The following FCRL2 variants were observed in gnomAD, a reference collection of about 807,000 sequenced individuals.
The protein encoded by FCRL2 is Fc receptor-like protein 2.
A neutral mutation model predicts 59.8 loss-of-function variants in FCRL2; 48 were observed. The observed-to-expected ratio is 0.80, with a 90% CI of 0.64 to 1.02. FCRL2 has a LOEUF of 1.02. FCRL2 is among the 50% of genes least tolerant of loss of function. The pLI is 0.00. For missense variants in FCRL2, 658 were observed against 597.3 expected, an observed-to-expected ratio of 1.10 and a Z score of -1.06; for synonymous variants, 251 against 229.5, an observed-to-expected ratio of 1.09 and a Z score of -0.85.
intron 2 of FCRL2, among the ~76,000 whole-genome samples, chr1:157,773,567 T>C (rs1650186545): frequency 6.6e-6 from 1 of 152,190 alleles, no homozygotes; most frequent in African/African-American, 2.4e-5. Context: ...TAGTTTCATA[T>C]CAGGGAACCC....
At position 157,746,622 on chromosome 1, in the gene FCRL2, G is replaced by A. The variant is rs923084044; in HGVS notation, c.*114C>T. ...AAAATGACAGGAGGTGCCTCCTGAG[G>A]CACGTTCTGGCTGTGGCAGGTGATA... On this transcript the variant is annotated 3_prime_UTR_variant, in exon 12 of 12. Transcript: ENST00000361516. 2.7e-5 allele frequency: 27 copies of A among 1,008,210 alleles called. No homozygotes were observed. The highest frequency in any genetic ancestry group is 4.0e-5 in the Non-Finnish European group (26 of 657,760). 62.5% of individuals were successfully genotyped at this position (1,008,210 alleles called of 1,614,324 possible).
In FCRL2 at chr1:157,768,541, G is replaced by A; in HGVS notation, c.756C>T (p.Thr252=). Residue 252 remains threonine, a synonymous_variant, in exon 5 of 12, where the codon ACC becomes ACT. Coordinates refer to ENST00000361516, the MANE Select transcript of FCRL2 (RefSeq NM_030764.4). ...CCAGCTCTGCTGACAGGGAACGCTGGGTTTTCTTTCCCATACTGGTTCCTG... is the reference window on the plus strand; with the variant it reads ...CCAGCTCTGCTGACAGGGAACGCTGAGTTTTCTTTCCCATACTGGTTCCTG... ...EATGTSMGKK[T]QRSLSAELEI... is the part of the protein sequence containing the mutation. The A allele has an allele frequency of 6.2e-7, 1 of 1,614,180 alleles. No homozygotes were observed. The highest frequency in any genetic ancestry group is 8.5e-7 in the Non-Finnish European group (1 of 1,180,044).
intron 6 of FCRL2, 43 bp downstream of exon 6, chr1:157,767,188 A>G: frequency 6.4e-7 from 1 of 1,574,502 alleles, no homozygotes; most frequent in Non-Finnish European, 8.6e-7. Context: ...GGTGAGACAC[A>G]GCCATTGACA....
chr1:157,771,363 CTG>C (rs1327056394), intron 2 of FCRL2, among the ~76,000 whole-genome samples: 3 of 152,118 alleles, frequency 2.0e-5, no homozygotes, highest in African/African-American at 7.2e-5. Flanking sequence ...GAGCTCTATA[CTG>C]TGTTATAAAT....
In FCRL2 at chr1:157,767,486, T is replaced by TG; in HGVS notation, c.906dup (p.Thr303HisfsTer20). ...GCCTGGGCCCCAGGAGACCTGAGGG[T>TG]GAGGACAGGGCGAGACACTGGAACT... On this transcript the variant is annotated frameshift_variant, in exon 6 of 12. Coordinates refer to ENST00000361516, the MANE Select transcript of FCRL2 (RefSeq NM_030764.4). LOFTEE classifies it high-confidence loss of function. 1 of 1,614,056 alleles carries TG rather than the reference T, an allele frequency of 6.2e-7. No homozygotes were observed. Among genetic ancestry groups the TG allele is most frequent in the Non-Finnish European group, 8.5e-7 (1 of 1,180,000 alleles).
chr1:157,764,184 C>T (rs1432056778), intron 7 of FCRL2, among the ~76,000 whole-genome samples: 1 of 151,486 alleles, frequency 6.6e-6, no homozygotes, highest in East Asian at 1.9e-4. Context: ...AGCCTGGCGA[C>T]AGAGCAAGAC....
intron 7 of FCRL2, among the ~76,000 whole-genome samples, chr1:157,756,957 T>C (rs774965019): frequency 4.6e-5 from 7 of 152,222 alleles, no homozygotes; most frequent in Non-Finnish European, 8.8e-5. Context: ...CAATTAAATT[T>C]TTTTAAAGTT....
At chr1:157,750,483 C>G (rs942351743) in intron 7 of FCRL2, among the ~76,000 whole-genome samples, 1 of 152,176 alleles carries the variant, frequency 6.6e-6, no homozygotes, top group South Asian at 2.1e-4. Context: ...TGGGGATACC[C>G]CAGTTGTGCT....
At chr1:157,759,803 G>A (rs1571267440) in intron 7 of FCRL2, among the ~76,000 whole-genome samples, 1 of 152,312 alleles carries the variant, frequency 6.6e-6, no homozygotes, top group East Asian at 1.9e-4. Flanking sequence ...AGATGCTGGT[G>A]AGGTTGCAGA....
At chr1:157,759,272 C>CTTA in intron 7 of FCRL2, among the ~76,000 whole-genome samples, 1 of 152,304 alleles carries the variant, frequency 6.6e-6, no homozygotes, top group East Asian at 1.9e-4. Context: ...GTCGATTAAA[C>CTTA]CTCTTTCCTT....
intron 7 of FCRL2, among the ~76,000 whole-genome samples, chr1:157,755,856 A>T (rs558219151): frequency 7.4e-4 from 112 of 152,290 alleles, no homozygotes; most frequent in East Asian, 9.6e-4. Flanking sequence ...AATAAATGAG[A>T]TATTGCTAAG....
intron 7 of FCRL2, among the ~76,000 whole-genome samples, chr1:157,764,140 G>T (rs1048103578): frequency 1.5e-4 from 23 of 151,896 alleles, no homozygotes; most frequent in African/African-American, 5.3e-4. Flanking sequence ...GGAGGTGGAG[G>T]TTGCAGTGAG....
At chr1:157,751,215 G>C (rs1445204997) in intron 7 of FCRL2, among the ~76,000 whole-genome samples, 1 of 152,118 alleles carries the variant, frequency 6.6e-6, no homozygotes, top group Non-Finnish European at 1.5e-5. Flanking sequence ...AATTCTAAGA[G>C]TTTTACCATA....
chr1:157,753,324 C>G (rs1007395860), intron 7 of FCRL2, among the ~76,000 whole-genome samples: 4 of 152,192 alleles, frequency 2.6e-5, no homozygotes, highest in African/African-American at 7.2e-5. Context: ...ATGTCATGGG[C>G]CTCATATCTT....
chr1:157,767,937 GT>G, intron 5 of FCRL2: 1 of 303,832 alleles, frequency 3.3e-6, no homozygotes, highest in Non-Finnish European at 5.9e-6. Context: ...ATAGGACTGG[GT>G]TAGAATGGAA....
Position 157,746,748 on chromosome 1 carries a change from C to T in FCRL2, c.1515G>A (p.Val505=). The T allele has an allele frequency of 1.2e-6, 2 of 1,613,828 alleles. No homozygotes were observed. Among genetic ancestry groups the T allele is most frequent in the Non-Finnish European group, 8.5e-7 (1 of 1,179,814 alleles). ...NKDSQVIYSS[V]KKS is the part of the protein sequence containing the mutation. ...ATTCCTCCAAGTGTTATGATTTCTT[C>T]ACAGAAGAGTAGATGACTTGGGAGT... The change falls in exon 12 of 12, where the codon GTG becomes GTA. Residue 505 remains valine (V), a synonymous_variant. Transcript: ENST00000361516.
rs1375338282 is a variant in FCRL2, at chr1:157,769,905, T to C, written c.556A>G (p.Ile186Val). Residue 186 changes from isoleucine to valine, a missense_variant, in exon 4 of 12, where the codon ATC becomes GTC. Ile to Val is a conservative substitution (Grantham distance 29). Coordinates refer to ENST00000361516, the MANE Select transcript of FCRL2 (RefSeq NM_030764.4). Reference protein sequence around the residue: ...WCKAETVTHRIRKQSLQSQIH... With the variant: ...WCKAETVTHRVRKQSLQSQIH... ...TGGGATTGGAGGCTCTGTTTTCTGATCCTGTGAGTCACCGTTTCTGCCTTG... is the reference window on the plus strand; with the variant it reads ...TGGGATTGGAGGCTCTGTTTTCTGACCCTGTGAGTCACCGTTTCTGCCTTG... The C allele has an allele frequency of 1.9e-6, 3 of 1,614,060 alleles. No homozygotes were observed. Among genetic ancestry groups the C allele is most frequent in the Non-Finnish European group, 2.5e-6 (3 of 1,180,026 alleles).
intron 7 of FCRL2, among the ~76,000 whole-genome samples, chr1:157,758,172 A>G (rs1172984003): frequency 1.3e-5 from 2 of 152,230 alleles, no homozygotes; most frequent in South Asian, 2.1e-4. Flanking sequence ...GTGAGGAAAC[A>G]GAACAGAGTT....
chr1:157,764,289 T>C (rs949203389), intron 7 of FCRL2, among the ~76,000 whole-genome samples: 2 of 152,002 alleles, frequency 1.3e-5, no homozygotes, highest in Non-Finnish European at 2.9e-5. Context: ...AGAGGATATA[T>C]ATGTACTCAA....
Sources: allele counts gnomAD v4.1 joint callset (sites outside exome capture counted in the v4.1 genomes callset), GRCh38; gene constraint gnomAD v4.1.1; transcripts MANE v1.5; gene names NCBI Gene and HGNC (gene_info 2026-07-23, HGNC 2026-07-21).